The following MACF1 variants were observed in gnomAD, a reference collection of about 807,000 sequenced individuals.
MACF1 encodes microtubule-actin cross-linking factor 1.
MACF1 carries 193 observed loss-of-function variants against 854.8 expected under a neutral mutation model. That is an observed-to-expected ratio of 0.23 (90% CI 0.20 to 0.25). The LOEUF (loss-of-function observed/expected upper bound fraction) is 0.25. MACF1 is among the 10% of genes least tolerant of loss of function. The pLI is 1.00. For synonymous variants in MACF1, 3,185 were observed against 3,226.7 expected (o/e 0.99, Z 0.44); for missense variants, 7,722 against 8,929.1 (o/e 0.86, Z 5.45).
Position 39,333,320 on chromosome 1 carries a change from A to C in MACF1, c.6732A>C (p.Gln2244His). The change falls in exon 37 of 101, where the codon CAA becomes CAC. Residue 2244 changes from glutamine to histidine, a missense_variant. By Grantham distance (24) the Gln-to-His change is conservative. Transcript: ENST00000564288. Reference protein sequence around the residue: ...FLAKDDHKESQEAQNIAGGSM... With the variant: ...FLAKDDHKESHEAQNIAGGSM... ...CTAAGGATGACCATAAAGAAAGTCA[A>C]GAAGCACAGAACATCGCAGGTGGTA... 2 of 1,614,158 alleles carry C rather than the reference A, an allele frequency of 1.2e-6. No homozygotes were observed. Among genetic ancestry groups the C allele is most frequent in the Non-Finnish European group, 1.7e-6 (2 of 1,180,032 alleles).
intron 28 of MACF1, 70 bp downstream of exon 28, chr1:39,316,599 A>G: frequency 6.7e-7 from 1 of 1,487,212 alleles, no homozygotes; most frequent in Non-Finnish European, 9.1e-7. Context: ...AGAGAAATGC[A>G]ATTTTGGATG....
intron 36 of MACF1, chr1:39,328,807 C>T (rs1646664745): frequency 6.6e-6 from 1 of 152,156 alleles, no homozygotes; most frequent in South Asian, 2.1e-4. Flanking sequence ...AAATGAGTTT[C>T]TCTGGATTTT....
chr1:39,226,040 C>A (rs563354383), intron 1 of MACF1, among the ~76,000 whole-genome samples: 2 of 152,254 alleles, frequency 1.3e-5, no homozygotes, highest in Middle Eastern at 3.4e-3. Context: ...AATTGATGGG[C>A]ATACCAACAT....
intron 22 of MACF1, among the ~76,000 whole-genome samples, chr1:39,300,915 G>A (rs186603643): frequency 2.0e-4 from 31 of 152,050 alleles, no homozygotes; most frequent in Admixed American, 1.7e-3. Context: ...TAGTCTACTC[G>A]GGAGGCTGAG....
At chr1:39,414,048 G>A (rs762549557) in intron 58 of MACF1, 1 of 1,606,504 alleles carries the variant, frequency 6.2e-7, no homozygotes, top group African/African-American at 1.3e-5. Flanking sequence ...CAGCTGCAGT[G>A]CTCACCCCAG....
intron 2 of MACF1, among the ~76,000 whole-genome samples, chr1:39,088,304 G>A (rs1050129786): frequency 6.6e-6 from 1 of 151,788 alleles, no homozygotes; most frequent in African/African-American, 2.4e-5. Context: ...GGTCAGGCTG[G>A]TCTTGAACTC....
chr1:39,440,805 A>G (rs929781490), intron 72 of MACF1, among the ~76,000 whole-genome samples, 198 bp from the exon 73 acceptor site: 1 of 152,178 alleles, frequency 6.6e-6, no homozygotes, highest in Non-Finnish European at 1.5e-5. Context: ...TTTTATATAT[A>G]CATATACCTA....
At chr1:39,132,548 A>T (rs572497439) in intron 2 of MACF1, among the ~76,000 whole-genome samples, 4 of 152,286 alleles carry the variant, frequency 2.6e-5, no homozygotes, top group Non-Finnish European at 5.9e-5. Flanking sequence ...GCCTAAGAGG[A>T]ACTGCACAGC....
chr1:39,333,711 G>C lies in MACF1; in HGVS notation c.7123G>C (p.Asp2375His). 1 of 1,614,184 alleles carries C rather than the reference G, an allele frequency of 6.2e-7. No individual in the cohort carries two copies. Among genetic ancestry groups the C allele is most frequent in the Non-Finnish European group, 8.5e-7 (1 of 1,180,038 alleles). Residue 2375 changes from aspartate to histidine, a missense_variant, in exon 37 of 101, where the codon GAC (aspartate) becomes CAC (histidine). Coordinates refer to ENST00000564288, the MANE Select transcript of MACF1 (RefSeq NM_001394062.1). ...AGACAAAGCTATAAGTGGTGTCTTAGACCCCCGTACCCAGACACTGTGCTC... is the reference window on the plus strand; with the variant it reads ...AGACAAAGCTATAAGTGGTGTCTTACACCCCCGTACCCAGACACTGTGCTC... ...MADKAISGVL[D>H]PRTQTLCSVK...
chr1:39,128,045 T>C (rs1229419568), intron 2 of MACF1, among the ~76,000 whole-genome samples: 5 of 152,194 alleles, frequency 3.3e-5, no homozygotes, highest in Non-Finnish European at 7.3e-5. Flanking sequence ...GGGTAACCAC[T>C]GTTCAAGCTT....
intron 6 of MACF1, among the ~76,000 whole-genome samples, chr1:39,276,870 A>G (rs1175347413): frequency 6.6e-6 from 1 of 152,184 alleles, no homozygotes; most frequent in East Asian, 1.9e-4. Flanking sequence ...GCTTATAGTC[A>G]GTTCATGAAA....
At chr1:39,441,915 T>C (rs749783114) in intron 74 of MACF1, 37 bp from the exon 75 acceptor site, 9 of 1,471,302 alleles carry the variant, frequency 6.1e-6, no homozygotes, top group Non-Finnish European at 7.6e-6. Context: ...CAAATTCTTC[T>C]GGTTGTTTTT....
intron 23 of MACF1, among the ~76,000 whole-genome samples, chr1:39,307,257 C>T (rs895421306): frequency 1.5e-5 from 2 of 130,382 alleles, no homozygotes; most frequent in Non-Finnish European, 3.2e-5. Flanking sequence ...ATGTATAGTG[C>T]CATTTTCATT....
intron 49 of MACF1, among the ~76,000 whole-genome samples, chr1:39,364,594 G>A (rs991966492): frequency 1.3e-5 from 2 of 151,662 alleles, no homozygotes; most frequent in African/African-American, 2.4e-5. Context: ...CCGGGTTCAC[G>A]CCATTCTCCT....
intron 32 of MACF1, 60 bp downstream of exon 32, chr1:39,322,775 C>A (rs1646538012): frequency 6.4e-7 from 1 of 1,570,296 alleles, no homozygotes; most frequent in African/African-American, 1.3e-5. Context: ...ATTCATTTGC[C>A]TGGGCCTTAC....
At position 39,225,265 on chromosome 1, in the gene MACF1, G is replaced by A. The variant is rs1644703026; in HGVS notation, c.110-5917G>A. On this transcript the variant is annotated intron_variant, in intron 1 of 100. Transcript: ENST00000564288. ...CGCTCTGTCGCCCAGGCCGGACTGCGGACTGCAGTGGCGCAATCTCGGCTC... is the reference window on the plus strand; with the variant it reads ...CGCTCTGTCGCCCAGGCCGGACTGCAGACTGCAGTGGCGCAATCTCGGCTC... 2.2e-5 allele frequency among the ~76,000 whole-genome samples: 3 copies of A among 134,480 alleles called. No individual in the cohort carries two copies. The South Asian group carries it at 7.1e-4, about 32-fold the overall frequency. 88.2% of individuals were successfully genotyped at this position (134,480 alleles called of 152,430 possible).
intron 20 of MACF1, among the ~76,000 whole-genome samples, chr1:39,296,992 C>T (rs1039649132): frequency 6.6e-6 from 1 of 151,908 alleles, no homozygotes; most frequent in African/African-American, 2.4e-5. Flanking sequence ...GGCACGATCT[C>T]TGCTCACTGC....
chr1:39,407,317 C>G lies in MACF1; in HGVS notation c.15817-15057C>G, dbSNP rs988233661. On this transcript the variant is annotated intron_variant, in intron 58 of 100. Coordinates refer to ENST00000564288, the MANE Select transcript of MACF1 (RefSeq NM_001394062.1). ...TTCAGATACTTCATGCTAATTACAT[C>G]TCCTAGAACTTTCTCTAGGTCAGAC... Among the ~76,000 whole-genome samples the G allele has an allele frequency of 1.3e-5, 2 of 152,308 alleles. 1 individual carries two copies. Among genetic ancestry groups the G allele is most frequent in the Middle Eastern group, 6.8e-3 (2 of 294 alleles).
At chr1:39,485,404 T>G in intron 100 of MACF1, 134 bp from the exon 101 acceptor site, 1 of 1,044,092 alleles carries the variant, frequency 9.6e-7, no homozygotes, top group South Asian at 1.7e-5. Flanking sequence ...TCTGTATGGA[T>G]GAGGAAACTG....
Sources: allele counts gnomAD v4.1 joint callset (sites outside exome capture counted in the v4.1 genomes callset), GRCh38; gene constraint gnomAD v4.1.1; transcripts MANE v1.5; gene names NCBI Gene and HGNC (gene_info 2026-07-23, HGNC 2026-07-21).